Variants in THUMPD2 observed in about 807,000 individuals in gnomAD.
THUMPD2 encodes the protein U6 snRNA (guanine-N(2))-methyltransferase THUMPD2.
THUMPD2 carries 56 observed loss-of-function variants against 49.4 expected under a neutral mutation model. That is an observed-to-expected ratio of 1.13 (90% CI 0.91 to 1.41). THUMPD2 has a LOEUF of 1.41. Ranked by LOEUF, THUMPD2 falls within the 40% of genes most tolerant of loss-of-function variation. The probability of loss-of-function intolerance (pLI) is 0.00; values close to 1 mark genes in which losing one functional copy is unlikely to be tolerated. For synonymous variants in THUMPD2, 237 were observed against 205.2 expected, an observed-to-expected ratio of 1.15 and a Z score of -1.32; for missense variants, 709 against 594.5, an observed-to-expected ratio of 1.19 and a Z score of -2.00.
chr2:39,748,685 T>A (rs1167744527), intron 8 of THUMPD2, among the ~76,000 whole-genome samples: 1 of 151,004 alleles, frequency 6.6e-6, no homozygotes, highest in East Asian at 1.9e-4. Context: ...AGAGTCTGTC[T>A]CAAAAAAAAA....
chr2:39,764,377 TATA>T (rs1677232350), intron 5 of THUMPD2, among the ~76,000 whole-genome samples: 1 of 152,238 alleles, frequency 6.6e-6, no homozygotes, highest in African/African-American at 2.4e-5. Context: ...CTTGCAGAGT[TATA>T]ATAATTTGTG....
intron 8 of THUMPD2, among the ~76,000 whole-genome samples, chr2:39,747,511 G>C (rs1460800491): frequency 6.6e-6 from 1 of 152,114 alleles, no homozygotes; most frequent in Non-Finnish European, 1.5e-5. Context: ...TTTCTGAGAA[G>C]AGAATGCTAG....
Position 39,768,459 on chromosome 2 carries a change from C to T in THUMPD2, c.715G>A (p.Gly239Arg). Reference sequence around the variant, plus strand: ...GGATTCCTCAAGTCTGCTTTCCATCCAAAGTGTTTCATAATAGCAATTCCA... The same window carrying T: ...GGATTCCTCAAGTCTGCTTTCCATCTAAAGTGTTTCATAATAGCAATTCCA... ...VIGIAIMKHF[G>R]WKADLRNPQL... The change falls in exon 4 of 10, where the codon GGA (glycine) becomes AGA (arginine). Residue 239 changes from glycine to arginine, a missense_variant. Physicochemically the swap from Gly to Arg is moderately radical, Grantham distance 125. Coordinates refer to ENST00000505747, the MANE Select transcript of THUMPD2 (RefSeq NM_025264.5). The T allele has an allele frequency of 1.9e-6, 3 of 1,612,992 alleles. No homozygotes were observed. The highest frequency in any genetic ancestry group is 2.5e-6 in the Non-Finnish European group (3 of 1,179,642).
intron 7 of THUMPD2, among the ~76,000 whole-genome samples, chr2:39,755,654 C>A (rs141826942): frequency 2.0e-5 from 3 of 152,216 alleles, no homozygotes; most frequent in Non-Finnish European, 2.9e-5. Context: ...TTAGTATAAT[C>A]TAGGTCATGA....
At chr2:39,753,872 T>C (rs1675751753) in intron 8 of THUMPD2, among the ~76,000 whole-genome samples, 1 of 152,226 alleles carries the variant, frequency 6.6e-6, no homozygotes, top group African/African-American at 2.4e-5. Flanking sequence ...TCTCTGTTAC[T>C]GTCCTTCCCT....
At chr2:39,756,705 C>T (rs764305304) in intron 6 of THUMPD2, among the ~76,000 whole-genome samples, 20 of 151,972 alleles carry the variant, frequency 1.3e-4, no homozygotes, top group Non-Finnish European at 2.4e-4. Context: ...GCCGATGCCA[C>T]GTGTAAATTC....
chr2:39,749,124 T>G (rs2041735), intron 8 of THUMPD2, among the ~76,000 whole-genome samples: 76,569 of 151,992 alleles, frequency 0.5, 19,759 homozygotes, highest in East Asian at 0.76. Context: ...TAGGTTTTAA[T>G]AAGAATATTA....
At chr2:39,737,798 G>A (rs1289765588) in intron 9 of THUMPD2, among the ~76,000 whole-genome samples, 3 of 152,186 alleles carry the variant, frequency 2.0e-5, no homozygotes, top group Admixed American at 1.3e-4. Context: ...GCGACGGCAA[G>A]CGGCTGCAGC....
intron 1 of THUMPD2, among the ~76,000 whole-genome samples, chr2:39,777,551 T>C (rs1232813232): frequency 6.6e-6 from 1 of 152,242 alleles, no homozygotes; most frequent in Non-Finnish European, 1.5e-5. Context: ...ATAACTTGTC[T>C]AACATTTTAA....
intron 6 of THUMPD2, among the ~76,000 whole-genome samples, chr2:39,756,700 T>A (rs1392003716): frequency 2.6e-5 from 4 of 152,054 alleles, no homozygotes; most frequent in Non-Finnish European, 2.9e-5. Flanking sequence ...ACCAAGCCGA[T>A]GCCACGTGTA....
At chr2:39,749,392 G>A (rs1675079139) in intron 8 of THUMPD2, among the ~76,000 whole-genome samples, 1 of 152,174 alleles carries the variant, frequency 6.6e-6, no homozygotes, top group Admixed American at 6.5e-5. Flanking sequence ...TGCTAATGAA[G>A]CCAGCACATT....
chr2:39,744,804 GAAAA>G (rs1281206854), intron 8 of THUMPD2: 4 of 171,310 alleles, frequency 2.3e-5, no homozygotes, highest in Admixed American at 1.9e-4. Context: ...AAATTGCCTA[GAAAA>G]ATCTTCCACA....
intron 5 of THUMPD2, among the ~76,000 whole-genome samples, chr2:39,764,712 A>G (rs1337900213): frequency 6.6e-6 from 1 of 152,120 alleles, no homozygotes; most frequent in African/African-American, 2.4e-5. Context: ...TCTGTTGTGC[A>G]AGTCTTCATG....
At chr2:39,764,014 GCA>G (rs1677179424) in intron 5 of THUMPD2, among the ~76,000 whole-genome samples, 3 of 152,306 alleles carry the variant, frequency 2.0e-5, no homozygotes, top group Non-Finnish European at 2.9e-5. Flanking sequence ...TTGTGCCTTT[GCA>G]CAGAGATTCC....
At chr2:39,742,811 G>A (rs921312886) in intron 9 of THUMPD2, among the ~76,000 whole-genome samples, 1 of 152,172 alleles carries the variant, frequency 6.6e-6, no homozygotes, top group Non-Finnish European at 1.5e-5. Context: ...GTGGATAGCA[G>A]GGATCAGTAT....
chr2:39,777,449 A>G (rs1679268753), intron 1 of THUMPD2, among the ~76,000 whole-genome samples: 1 of 152,244 alleles, frequency 6.6e-6, no homozygotes, highest in Admixed American at 6.5e-5. Flanking sequence ...AGAGACTCAG[A>G]GACAAGTCCC....
chr2:39,751,277 T>C (rs758614772), intron 8 of THUMPD2, among the ~76,000 whole-genome samples: 3 of 152,218 alleles, frequency 2.0e-5, no homozygotes, highest in Non-Finnish European at 4.4e-5. Flanking sequence ...AACACCTTAT[T>C]ATGCGGTGCT....
Position 39,755,391 on chromosome 2 carries a change from C to T in THUMPD2, c.982G>A (p.Ala328Thr). 6.4e-7 allele frequency: 1 copy of T among 1,567,074 alleles called. No homozygotes were observed. Among genetic ancestry groups the T allele is most frequent in the Non-Finnish European group, 8.6e-7 (1 of 1,163,128 alleles). The change falls in exon 8 of 10, where the codon GCT becomes ACT. Residue 328 changes from alanine to threonine, a missense_variant. By Grantham distance (58) the Ala-to-Thr change is moderately conservative (BLOSUM62 0). Transcript: ENST00000505747. Reference protein sequence around the residue: ...KEWPDVYYVGADVSDSQLLGT... With the variant: ...KEWPDVYYVGTDVSDSQLLGT... ...AGTAACTGTGAGTCGCTGACATCAG[C>T]ACCTACATAATACACATCCTATGGG...
intron 8 of THUMPD2, among the ~76,000 whole-genome samples, chr2:39,754,288 G>C (rs1050141807): frequency 6.6e-6 from 1 of 152,176 alleles, no homozygotes; most frequent in Non-Finnish European, 1.5e-5. Context: ...CCTGCACAGA[G>C]TCCTATTAAA....
Sources: allele counts gnomAD v4.1 joint callset (sites outside exome capture counted in the v4.1 genomes callset), GRCh38; gene constraint gnomAD v4.1.1; transcripts MANE v1.5; gene names NCBI Gene and HGNC (gene_info 2026-07-23, HGNC 2026-07-21).